PTPRD: variants seen among roughly 807,000 people sequenced by gnomAD.
The protein encoded by PTPRD is protein tyrosine phosphatase receptor type D, also known as receptor-type tyrosine-protein phosphatase delta.
A neutral mutation model predicts 214.5 loss-of-function variants in PTPRD; 34 were observed. The observed-to-expected ratio is 0.16, with a 90% confidence interval of 0.12 to 0.21. The LOEUF (loss-of-function observed/expected upper bound fraction) is 0.21, where lower values mean the gene tolerates loss of function less well. Ranked by LOEUF, PTPRD falls within the 10% of genes least tolerant of loss-of-function variation. PTPRD has a pLI of 1.00. For missense variants in PTPRD, 2,545 were observed against 2,398.7 expected, an observed-to-expected ratio of 1.06 and a Z score of -1.27; for synonymous variants, 1,128 against 845.7, an observed-to-expected ratio of 1.33 and a Z score of -5.79.
At chr9:9,670,099 T>C (rs1442898372) in intron 7 of PTPRD, among the ~76,000 whole-genome samples, 2 of 152,138 alleles carry the variant, frequency 1.3e-5, no homozygotes, top group East Asian at 3.9e-4. Flanking sequence ...TTTGTAAAAT[T>C]TGTAAAATTA....
chr9:10,064,845 G>A (rs2097846746), intron 3 of PTPRD, among the ~76,000 whole-genome samples: 1 of 151,922 alleles, frequency 6.6e-6, no homozygotes, highest in African/African-American at 2.4e-5. Flanking sequence ...ATAATTGTTT[G>A]AATTACTTAA....
chr9:9,966,578 C>T (rs754039182), intron 4 of PTPRD, among the ~76,000 whole-genome samples: 5 of 151,986 alleles, frequency 3.3e-5, no homozygotes, highest in Non-Finnish European at 5.9e-5. Context: ...AAAGATATGC[C>T]CTGCTTATTA....
At chr9:9,447,550 GA>G (rs922110956) in intron 8 of PTPRD, among the ~76,000 whole-genome samples, 10 of 152,038 alleles carry the variant, frequency 6.6e-5, no homozygotes, top group Non-Finnish European at 1.0e-4. Flanking sequence ...AGAGGATCAG[GA>G]AAAATAACTA....
At chr9:9,026,169 AAAAG>A (rs2099586424) in intron 10 of PTPRD, among the ~76,000 whole-genome samples, 1 of 151,982 alleles carries the variant, frequency 6.6e-6, no homozygotes, top group Non-Finnish European at 1.5e-5. Flanking sequence ...AGATCTTAAC[AAAAG>A]AAAGAACAGC....
At chr9:8,529,105 T>G (rs2139517310) in intron 14 of PTPRD, among the ~76,000 whole-genome samples, 1 of 152,194 alleles carries the variant, frequency 6.6e-6, no homozygotes, top group East Asian at 1.9e-4. Context: ...AGCTCTGATT[T>G]AAAGTAGGCA....
chr9:8,432,796 TAG>T (rs1408361955), intron 35 of PTPRD, among the ~76,000 whole-genome samples: 1 of 152,190 alleles, frequency 6.6e-6, no homozygotes, highest in Non-Finnish European at 1.5e-5. Flanking sequence ...TAAGGCACAG[TAG>T]AGTCAATTCA....
At chr9:8,320,886 G>A (rs1478977033) in intron 44 of PTPRD, among the ~76,000 whole-genome samples, 1 of 152,086 alleles carries the variant, frequency 6.6e-6, no homozygotes, top group Non-Finnish European at 1.5e-5. Context: ...TGAATAATCT[G>A]AAAAATCCCT....
intron 6 of PTPRD, among the ~76,000 whole-genome samples, chr9:9,739,059 T>C (rs1172573137): frequency 1.3e-5 from 2 of 152,224 alleles, no homozygotes; most frequent in Non-Finnish European, 2.9e-5. Flanking sequence ...GTACATTCCT[T>C]TCAATTTACT....
intron 8 of PTPRD, among the ~76,000 whole-genome samples, chr9:9,443,423 A>T (rs2089064753): frequency 6.6e-6 from 1 of 152,180 alleles, no homozygotes; most frequent in Admixed American, 6.5e-5. Context: ...CTTGCAGGGA[A>T]ATATAAAGTC....
intron 5 of PTPRD, among the ~76,000 whole-genome samples, chr9:9,830,212 A>T (rs1055191684): frequency 3.3e-5 from 5 of 151,856 alleles, no homozygotes; most frequent in African/African-American, 1.2e-4. Flanking sequence ...AAATATTTTT[A>T]AAAAGTTTTA....
rs1476946162 is a variant in PTPRD at position 8,711,894 on chromosome 9, T to C, written c.64+21886A>G. Among the ~76,000 whole-genome samples the C allele has an allele frequency of 2.6e-5, 4 of 152,226 alleles. 1 individual carries two copies. The highest frequency in any genetic ancestry group is 1.3e-4 in the Admixed American group (2 of 15,278). ...ACGCAAGCAATGATCTATTGATTTA[T>C]GCAACAACATGGATGAATCTTAAAT... is the stretch of plus-strand genomic sequence containing the variant. On this transcript the variant is annotated intron_variant, in intron 12 of 45. Transcript: ENST00000381196.
chr9:9,750,389 T>C (rs1348317242), intron 6 of PTPRD, among the ~76,000 whole-genome samples: 2 of 152,168 alleles, frequency 1.3e-5, no homozygotes, highest in South Asian at 2.1e-4. Context: ...AGAGAAATTA[T>C]AGACTCCCTC....
intron 7 of PTPRD, among the ~76,000 whole-genome samples, chr9:9,596,436 T>C (rs1278174212): frequency 2.0e-5 from 3 of 152,038 alleles, no homozygotes; most frequent in South Asian, 4.1e-4. Context: ...AATTATTTTC[T>C]ACTGTTCACT....
At chr9:9,690,334 G>A (rs139296987) in intron 7 of PTPRD, among the ~76,000 whole-genome samples, 269 of 151,732 alleles carry the variant, frequency 1.8e-3, no homozygotes, top group African/African-American at 6.3e-3. Context: ...TAAAACAGAT[G>A]TTTTCCTTCC....
chr9:9,489,953 G>A (rs1206068079), intron 8 of PTPRD, among the ~76,000 whole-genome samples: 6 of 152,050 alleles, frequency 3.9e-5, no homozygotes, highest in Admixed American at 3.9e-4. Context: ...ATCAAGACAG[G>A]TTGTCAACAA....
chr9:10,201,242 G>C (rs181172360), intron 3 of PTPRD, among the ~76,000 whole-genome samples: 12 of 151,994 alleles, frequency 7.9e-5, no homozygotes, highest in Admixed American at 4.6e-4. Flanking sequence ...AGCCATAAAG[G>C]TGTGAAACAT....
At chr9:9,866,061 T>A (rs1442352714) in intron 5 of PTPRD, among the ~76,000 whole-genome samples, 1 of 152,206 alleles carries the variant, frequency 6.6e-6, no homozygotes, top group Non-Finnish European at 1.5e-5. Flanking sequence ...TATGCACTTA[T>A]AAACACGGTT....
At chr9:10,360,894 A>C (rs1598065196) in intron 2 of PTPRD, among the ~76,000 whole-genome samples, 1 of 152,126 alleles carries the variant, frequency 6.6e-6, no homozygotes. Context: ...CGAGGTCAGG[A>C]GATCGAGGCC....
chr9:9,215,525 G>C (rs112373380), intron 9 of PTPRD, among the ~76,000 whole-genome samples: 393 of 152,234 alleles, frequency 2.6e-3, no homozygotes, highest in African/African-American at 8.8e-3. Flanking sequence ...AAGCAGAATG[G>C]GGGGAGAAAA....
Sources: allele counts gnomAD v4.1 joint callset (sites outside exome capture counted in the v4.1 genomes callset), GRCh38; gene constraint gnomAD v4.1.1; transcripts MANE v1.5; gene names NCBI Gene and HGNC (gene_info 2026-07-23, HGNC 2026-07-21).